KALRN: variants seen among roughly 807,000 people sequenced by gnomAD.
KALRN encodes kalirin RhoGEF kinase.
A neutral mutation model predicts 353.7 loss-of-function variants in KALRN; 70 were observed. The ratio of observed to expected loss-of-function variants is 0.20; its 90% CI spans 0.16 to 0.24. The LOEUF is 0.24. KALRN is among the 10% of genes least tolerant of loss of function. The pLI, the probability that KALRN is intolerant of heterozygous loss-of-function variation, is 1.00. For synonymous variants in KALRN, 1,391 were observed against 1,434.8 expected, an observed-to-expected ratio of 0.97 and a Z score of 0.69; for missense variants, 2,791 against 3,756.7, an observed-to-expected ratio of 0.74 and a Z score of 6.72.
Position 124,496,370 on chromosome 3 carries a change from C to G in KALRN, c.4892C>G (p.Ser1631Cys), listed in dbSNP as rs772578254. 2.2e-5 allele frequency: 35 copies of G among 1,613,330 alleles called. No individual in the cohort carries two copies. Among genetic ancestry groups the G allele is most frequent in the Non-Finnish European group, 3.0e-5 (35 of 1,179,708 alleles). The change falls in exon 33 of 60, where the codon TCC becomes TGC. Residue 1631 changes from serine to cysteine, a missense_variant. By Grantham distance (112) the Ser-to-Cys change is moderately radical. Coordinates refer to ENST00000682506, the MANE Select transcript of KALRN (RefSeq NM_001388419.1). ...GGGAGCAGCCAACCAGACACCATCT[C>G]CATTGCTTCTAGGACCTCTCAGAAC... ...GDGSSQPDTISIASRTSQNTV... is the reference protein window; with the variant it reads ...GDGSSQPDTICIASRTSQNTV...
In KALRN at chr3:124,719,074, C is replaced by T. The variant is rs2063296648; in HGVS notation, c.8565C>T (p.Ile2855=). 1 of 1,614,108 alleles carries T rather than the reference C, an allele frequency of 6.2e-7. No homozygotes were observed. Among genetic ancestry groups the T allele is most frequent in the African/African-American group, 1.3e-5 (1 of 74,942 alleles). Residue 2855 remains isoleucine, a synonymous_variant, in exon 60 of 60, where the codon ATC becomes ATT. Transcript: ENST00000682506. The surrounding 1 kb of genome is among the most constrained non-coding windows in gnomAD (Gnocchi z 5.3). The part of the protein sequence containing the change: ...EFAAPEVIQG[I]PVSLGTDIWS... ...CTGCCCCAGAAGTCATTCAAGGCAT[C>T]CCCGTCTCCCTGGGGACAGACATCT...
At chr3:124,442,080 G>A (rs1461426357) in intron 19 of KALRN, 21 bp downstream of exon 19, 1 of 1,504,858 alleles carries the variant, frequency 6.6e-7, no homozygotes, top group East Asian at 2.3e-5. Flanking sequence ...GACCTGCCCA[G>A]CCACCAGTCA....
intron 52 of KALRN, among the ~76,000 whole-genome samples, 160 bp downstream of exon 52, chr3:124,693,991 GC>G (rs1446954359): frequency 6.6e-6 from 1 of 152,188 alleles, no homozygotes; most frequent in East Asian, 1.9e-4. Context: ...AAAGACTAAA[GC>G]TTGCGATATG....
intron 34 of KALRN, among the ~76,000 whole-genome samples, chr3:124,598,645 T>G (rs1014380086): frequency 1.3e-5 from 2 of 149,114 alleles, no homozygotes; most frequent in Admixed American, 1.3e-4. Context: ...TTGTTTGTTT[T>G]TTTGTGTTGT....
At chr3:124,471,003 G>A (rs2060831217) in intron 25 of KALRN, among the ~76,000 whole-genome samples, 1 of 152,136 alleles carries the variant, frequency 6.6e-6, no homozygotes, top group Non-Finnish European at 1.5e-5. Flanking sequence ...CCCAGGATAT[G>A]GTTTAGGAGA....
chr3:124,275,156 A>T (rs1053993901), intron 5 of KALRN, among the ~76,000 whole-genome samples: 6 of 152,206 alleles, frequency 3.9e-5, no homozygotes, highest in African/African-American at 1.4e-4. Context: ...CAACAGGAGA[A>T]GTGGGGTGGC....
intron 3 of KALRN, among the ~76,000 whole-genome samples, chr3:124,239,293 C>T (rs552103485): frequency 7.2e-5 from 11 of 152,180 alleles, no homozygotes; most frequent in South Asian, 2.1e-4. Context: ...TGGGAGTTGA[C>T]GAAATGCTTG....
chr3:124,342,883 C>G (rs2081909177), intron 9 of KALRN, among the ~76,000 whole-genome samples: 1 of 152,178 alleles, frequency 6.6e-6, no homozygotes, highest in South Asian at 2.1e-4. Context: ...TCTGTGCTAC[C>G]CCTTATAACT....
chr3:124,398,661 C>G, intron 12 of KALRN, 36 bp from the exon 13 acceptor site: 1 of 1,609,748 alleles, frequency 6.2e-7, no homozygotes, highest in Non-Finnish European at 8.5e-7. Context: ...CATGGAAAGG[C>G]CTCTCCCTCC....
At chr3:124,096,451 TA>T (rs2061457507) in intron 1 of KALRN, 1 of 152,182 alleles carries the variant, frequency 6.6e-6, no homozygotes, top group African/African-American at 2.4e-5. Flanking sequence ...AAAGTCCAAT[TA>T]AGAATGGTTA....
chr3:124,361,986 A>G (rs949830579), intron 10 of KALRN, among the ~76,000 whole-genome samples: 2 of 151,966 alleles, frequency 1.3e-5, no homozygotes, highest in Admixed American at 6.6e-5. Flanking sequence ...GAGGTGGGCA[A>G]TGCTTTCCAG....
At chr3:124,365,850 A>C (rs1425144197) in intron 10 of KALRN, among the ~76,000 whole-genome samples, 1 of 152,226 alleles carries the variant, frequency 6.6e-6, no homozygotes, top group Admixed American at 6.5e-5. Flanking sequence ...CTTTCAACCA[A>C]AACTTACAGT....
chr3:124,431,812 G>C (rs973251212), intron 16 of KALRN, among the ~76,000 whole-genome samples: 1 of 152,148 alleles, frequency 6.6e-6, no homozygotes, highest in African/African-American at 2.4e-5. Flanking sequence ...TTTTAAGCTA[G>C]TGTTGATTGA....
chr3:124,511,072 A>C (rs1056073445), intron 33 of KALRN, among the ~76,000 whole-genome samples: 1 of 151,974 alleles, frequency 6.6e-6, no homozygotes, highest in African/African-American at 2.4e-5. Context: ...ACATTAATCC[A>C]TGCCCTTCCC....
rs1222644915 is a variant in KALRN at position 124,456,731 on chromosome 3, A to G, written c.3854+3A>G. ...CGGAAGTCAGCCCGGAAGAAAGAGT[A>G]CGTGTTGGCTTCCGCCCAGCTAGCT... On this transcript the variant is annotated splice_donor_region_variant and intron_variant, in intron 23 of 59. Transcript: ENST00000682506. 6.2e-7 allele frequency: 1 copy of G among 1,606,846 alleles called. No individual in the cohort carries two copies. The highest frequency in any genetic ancestry group is 1.7e-5 in the Admixed American group (1 of 59,926).
At chr3:124,500,172 GGA>G (rs2064346559) in intron 33 of KALRN, among the ~76,000 whole-genome samples, 1 of 152,076 alleles carries the variant, frequency 6.6e-6, no homozygotes, top group Non-Finnish European at 1.5e-5. Flanking sequence ...CCTTTTTTAT[GGA>G]CTGCCCTTAT....
At chr3:124,194,050 G>A (rs1171773527) in intron 1 of KALRN, among the ~76,000 whole-genome samples, 2 of 152,166 alleles carry the variant, frequency 1.3e-5, no homozygotes, top group Non-Finnish European at 2.9e-5. Context: ...TTCACTGAGT[G>A]CTTACAGTAA....
chr3:124,178,604 C>G (rs538507315), intron 1 of KALRN, among the ~76,000 whole-genome samples: 1 of 152,210 alleles, frequency 6.6e-6, no homozygotes, highest in African/African-American at 2.4e-5. Flanking sequence ...GTATCTAAAC[C>G]TATCTAGACA....
chr3:124,309,030 T>C (rs1333702580), intron 6 of KALRN, among the ~76,000 whole-genome samples: 8 of 152,010 alleles, frequency 5.3e-5, no homozygotes, highest in African/African-American at 1.9e-4. Context: ...TGCAAGCCAA[T>C]AAATTAGATA....
Sources: allele counts gnomAD v4.1 joint callset (sites outside exome capture counted in the v4.1 genomes callset), GRCh38; gene constraint gnomAD v4.1.1; non-coding constraint Gnocchi (gnomAD v3.1); transcripts MANE v1.5; gene names NCBI Gene and HGNC (gene_info 2026-07-23, HGNC 2026-07-21).